The following TMEM178B variants were observed in gnomAD, a reference collection of about 807,000 sequenced individuals.
TMEM178B encodes transmembrane protein 178B.
Under a neutral mutation model 31.0 loss-of-function variants are expected in TMEM178B, and 5 were observed. The ratio of observed to expected loss-of-function variants is 0.16; its 90% confidence interval spans 0.08 to 0.34. The LOEUF is 0.34. Among genes scored for constraint, TMEM178B ranks in the 10% least tolerant of loss-of-function variants. The probability of loss-of-function intolerance (pLI) is 1.00; values close to 1 mark genes in which losing one functional copy is unlikely to be tolerated. For synonymous variants in TMEM178B, 164 were observed against 164.0 expected, an observed-to-expected ratio of 1.00 and a Z score of 0.00; for missense variants, 275 against 400.3, an observed-to-expected ratio of 0.69 and a Z score of 2.67.
At chr7:141,329,298 T>C (rs986773793) in intron 2 of TMEM178B, among the ~76,000 whole-genome samples, 1 of 152,122 alleles carries the variant, frequency 6.6e-6, no homozygotes, top group African/African-American at 2.4e-5. Context: ...TAAAAGTGTC[T>C]GTCTGGGCAG....
intron 1 of TMEM178B, among the ~76,000 whole-genome samples, chr7:141,160,400 C>A (rs1586802049): frequency 6.6e-6 from 1 of 152,202 alleles, no homozygotes; most frequent in East Asian, 1.9e-4. Flanking sequence ...GTCCCACTGG[C>A]CTGAGCATCT....
At chr7:141,082,997 T>C (rs78784393) in intron 1 of TMEM178B, among the ~76,000 whole-genome samples, 2,748 of 152,340 alleles carry the variant, frequency 0.018, 53 homozygotes, top group Non-Finnish European at 0.027. Context: ...GGATTGTCAG[T>C]TGAAAACATT....
chr7:141,432,298 G>A (rs906972989), intron 2 of TMEM178B, among the ~76,000 whole-genome samples: 3 of 151,898 alleles, frequency 2.0e-5, no homozygotes, highest in African/African-American at 2.4e-5. Flanking sequence ...TATGATTACC[G>A]GGGCATGCCA....
intron 1 of TMEM178B, among the ~76,000 whole-genome samples, chr7:141,157,348 C>T (rs1409719271): frequency 6.6e-6 from 1 of 152,032 alleles, no homozygotes; most frequent in Non-Finnish European, 1.5e-5. Flanking sequence ...AGAGGAGCTT[C>T]CTCATTTTAT....
At chr7:141,200,852 G>A (rs1301433054) in intron 1 of TMEM178B, among the ~76,000 whole-genome samples, 2 of 152,170 alleles carry the variant, frequency 1.3e-5, no homozygotes, top group Non-Finnish European at 2.9e-5. Context: ...TTTGGGTCAT[G>A]ACAAGGCTTT....
At chr7:141,266,291 T>C (rs1046348481) in intron 2 of TMEM178B, among the ~76,000 whole-genome samples, 1 of 152,188 alleles carries the variant, frequency 6.6e-6, no homozygotes, top group Non-Finnish European at 1.5e-5. Context: ...CCATGATTAG[T>C]AACTGCCTTG....
At chr7:141,494,946 A>G in the TMEM178B span, among the ~76,000 whole-genome samples, 3 of 152,204 alleles carry the variant, frequency 2.0e-5, no homozygotes, top group Middle Eastern at 3.2e-3. Flanking sequence ...TGATAAGTTG[A>G]TAACTATTGA....
At chr7:141,332,767 T>A (rs1236576375) in intron 2 of TMEM178B, among the ~76,000 whole-genome samples, 2 of 152,244 alleles carry the variant, frequency 1.3e-5, no homozygotes. Flanking sequence ...TCACCTGGAA[T>A]ATGCAAAATG....
intron 1 of TMEM178B, among the ~76,000 whole-genome samples, chr7:141,165,227 T>A (rs751736208): frequency 6.6e-6 from 1 of 152,190 alleles, no homozygotes; most frequent in Non-Finnish European, 1.5e-5. Flanking sequence ...GATCCCACGT[T>A]GCATGTAATC....
intron 2 of TMEM178B, among the ~76,000 whole-genome samples, chr7:141,224,373 C>A (rs578087226): frequency 6.6e-6 from 1 of 152,212 alleles, no homozygotes. Context: ...ATTTCTTTTA[C>A]GGATTCGATC....
intron 1 of TMEM178B, among the ~76,000 whole-genome samples, chr7:141,150,299 G>A (rs564697969): frequency 2.0e-5 from 3 of 152,118 alleles, no homozygotes; most frequent in Admixed American, 6.5e-5. Flanking sequence ...TTCCAATGTC[G>A]GATATTCTTG....
At chr7:141,101,007 G>A (rs1795047441) in intron 1 of TMEM178B, among the ~76,000 whole-genome samples, 1 of 152,124 alleles carries the variant, frequency 6.6e-6, no homozygotes, top group South Asian at 2.1e-4. Flanking sequence ...CACATATTTT[G>A]ACTTATGTGC....
chr7:141,377,776 A>G (rs1036565132), intron 2 of TMEM178B, among the ~76,000 whole-genome samples: 3 of 152,210 alleles, frequency 2.0e-5, no homozygotes, highest in African/African-American at 7.2e-5. Context: ...GTTCTTTTGG[A>G]AGTTGAGTAC....
intron 2 of TMEM178B, among the ~76,000 whole-genome samples, chr7:141,214,628 G>A (rs1188345021): frequency 6.6e-6 from 1 of 152,166 alleles, no homozygotes; most frequent in African/African-American, 2.4e-5. Flanking sequence ...AATTCAAAGA[G>A]ATTACCTAGG....
Position 141,450,384 on chromosome 7 carries a change from C to A in TMEM178B, c.634+12639C>A, listed in dbSNP as rs145581093. 4.6e-3 allele frequency among the ~76,000 whole-genome samples: 706 copies of A among 152,290 alleles called. 4 individuals carry two copies. Among genetic ancestry groups the A allele is most frequent in the African/African-American group, 0.016 (677 of 41,554 alleles). ...GAAAATAAAATCAAACCCATCTCTG[C>A]CTCAGGGTTGCTCACAATTGTAGAG... On this transcript the variant is annotated intron_variant, in intron 3 of 3. Transcript: ENST00000565468.
At chr7:141,207,757 G>T (rs1796989051) in intron 1 of TMEM178B, among the ~76,000 whole-genome samples, 1 of 152,166 alleles carries the variant, frequency 6.6e-6, no homozygotes. Context: ...ATGACTGAGG[G>T]TTTAAAGTGT....
chr7:141,149,795 G>T (rs772422077), intron 1 of TMEM178B, among the ~76,000 whole-genome samples: 1 of 152,206 alleles, frequency 6.6e-6, no homozygotes. Flanking sequence ...TCCGCCCTGC[G>T]GGTTATGGAG....
At chr7:141,447,357 G>A (rs1286751336) in intron 3 of TMEM178B, among the ~76,000 whole-genome samples, 2 of 152,000 alleles carry the variant, frequency 1.3e-5, no homozygotes, top group African/African-American at 2.4e-5. Context: ...GCAAGATCAT[G>A]CCAGGTAAAA....
intron 2 of TMEM178B, among the ~76,000 whole-genome samples, chr7:141,353,877 G>A (rs751168454): frequency 3.3e-5 from 5 of 152,228 alleles, no homozygotes; most frequent in Non-Finnish European, 5.9e-5. Flanking sequence ...AGGCAGCAAA[G>A]TATCCTCTAA....
Sources: gnomAD v4.1 joint callset for allele counts (sites outside exome capture counted in the v4.1 genomes callset) on GRCh38, gnomAD v4.1.1 for gene constraint, MANE v1.5 for transcripts, NCBI Gene and HGNC (gene_info 2026-07-23, HGNC 2026-07-21) for gene names.